Variants in SHQ1 observed in about 807,000 individuals in gnomAD.
The protein encoded by SHQ1 is SHQ1, H/ACA ribonucleoprotein assembly factor, also known as protein SHQ1 homolog.
Under a neutral mutation model 53.8 loss-of-function variants are expected in SHQ1, and 49 were observed. The ratio of observed to expected loss-of-function variants is 0.91; its 90% CI spans 0.72 to 1.16. The LOEUF (loss-of-function observed/expected upper bound fraction) is 1.16. Among genes scored for constraint, SHQ1 ranks in the 50% most tolerant of loss-of-function variants. The pLI is 0.00. For synonymous variants in SHQ1, 243 were observed against 251.0 expected (o/e 0.97, Z 0.30); for missense variants, 738 against 683.1 (o/e 1.08, Z -0.90).
In SHQ1 at chr3:72,750,480, G is replaced by A. The variant is rs763555835; in HGVS notation, c.1538C>T (p.Thr513Ile). ...ACTGGCATCAGACTCCTGGATGGCT[G>A]TGTTTCTGCGTACTCCACCATCAAC... Reference protein sequence around the residue: ...LIVDGGVRRNTAIQESDASQG... With the variant: ...LIVDGGVRRNIAIQESDASQG... The change falls in exon 11 of 11, where the codon ACA becomes ATA. Residue 513 changes from threonine (T) to isoleucine (I), a missense_variant. Transcript: ENST00000325599. 25 of 1,614,202 alleles carry A rather than the reference G, an allele frequency of 1.5e-5. No individual in the cohort carries two copies. The South Asian group carries it at 2.6e-4, about 17-fold the overall frequency.
At chr3:72,778,976 C>A (rs1400099628) in intron 10 of SHQ1, among the ~76,000 whole-genome samples, 2 of 152,198 alleles carry the variant, frequency 1.3e-5, no homozygotes, top group Non-Finnish European at 2.9e-5. Context: ...CCTAGTCAGG[C>A]TACACTCACG....
chr3:72,828,793 A>G (rs544369992), intron 5 of SHQ1, among the ~76,000 whole-genome samples: 33 of 152,334 alleles, frequency 2.2e-4, no homozygotes, highest in African/African-American at 7.2e-4. Flanking sequence ...GCAAAAGTGA[A>G]GCTACAGAGG....
chr3:72,756,338 C>T (rs1234229461), intron 10 of SHQ1, among the ~76,000 whole-genome samples: 4 of 152,228 alleles, frequency 2.6e-5, no homozygotes, highest in East Asian at 3.9e-4. Flanking sequence ...TGCAGTGGAG[C>T]GATCTCAGCT....
At chr3:72,730,988 G>A in the SHQ1 span, among the ~76,000 whole-genome samples, 8 of 142,456 alleles carry the variant, frequency 5.6e-5, no homozygotes, top group Non-Finnish European at 1.2e-4. Context: ...TGATTGACTA[G>A]GCTTGAGACA....
In SHQ1 at chr3:72,765,530, CA is replaced by C. The variant is rs1458021907; in HGVS notation, c.1182-14695del. Among the ~76,000 whole-genome samples the C allele has an allele frequency of 4.8e-5, 4 of 83,512 alleles. No homozygotes were observed. The Admixed American group carries it at 6.2e-4, about 13-fold the overall frequency. 54.8% of individuals were successfully genotyped at this position (83,512 alleles called of 152,430 possible). A position where few individuals can be genotyped will look rare whatever the true frequency, so the allele number is the denominator to read the frequency against. On this transcript the variant is annotated intron_variant, in intron 10 of 10. Coordinates refer to ENST00000325599, the MANE Select transcript of SHQ1 (RefSeq NM_018130.3). ...ACCTCTGCCTCCCAGATTCACATGA[CA>C]TATATATATATATATATATATATAT...
chr3:72,781,643 C>A (rs1706076631), intron 10 of SHQ1, among the ~76,000 whole-genome samples: 1 of 152,098 alleles, frequency 6.6e-6, no homozygotes. Flanking sequence ...CGAACCCCAA[C>A]ACTAATTTCC....
intron 2 of SHQ1, among the ~76,000 whole-genome samples, chr3:72,843,800 A>C (rs1170587709): frequency 6.6e-6 from 1 of 152,172 alleles, no homozygotes; most frequent in African/African-American, 2.4e-5. Flanking sequence ...TCATTGAATA[A>C]AGTACACAAG....
In SHQ1 at chr3:72,824,593, C is replaced by T. The variant is rs763872745; in HGVS notation, c.600-42G>A. On this transcript the variant is annotated intron_variant, in intron 5 of 10. Coordinates refer to ENST00000325599, the MANE Select transcript of SHQ1 (RefSeq NM_018130.3). ...AAAGAACTTACTATACAGGATTTCA[C>T]TGGCTTTTACTTTTTAACATTTTAT... 14 of 1,563,772 alleles carry T rather than the reference C, an allele frequency of 9.0e-6. No individual in the cohort carries two copies. The East Asian group carries it at 1.6e-4, about 18-fold the overall frequency.
chr3:72,757,333 C>T (rs1705516506), intron 10 of SHQ1, among the ~76,000 whole-genome samples: 2 of 151,692 alleles, frequency 1.3e-5, no homozygotes, highest in South Asian at 4.2e-4. Context: ...AACACACAAT[C>T]TCAGGTTCTA....
chr3:72,767,604 T>C (rs950006881), intron 10 of SHQ1, among the ~76,000 whole-genome samples: 3 of 152,234 alleles, frequency 2.0e-5, no homozygotes, highest in African/African-American at 7.2e-5. Context: ...CTGGATACCT[T>C]TTTAAAATCC....
At chr3:72,751,476 ATGTGTG>A (rs372032784) in intron 10 of SHQ1, among the ~76,000 whole-genome samples, 29 of 109,620 alleles carry the variant, frequency 2.6e-4, no homozygotes, top group African/African-American at 5.0e-4. Flanking sequence ...ATAAGCACAT[ATGTGTG>A]TGTGTGTGTG....
the SHQ1 span, among the ~76,000 whole-genome samples, chr3:72,744,058 A>G: frequency 2.6e-5 from 4 of 152,222 alleles, no homozygotes; most frequent in African/African-American, 9.6e-5. Flanking sequence ...CACAAATGCA[A>G]TATTTTGTAT....
At chr3:72,730,255 A>G in the SHQ1 span, among the ~76,000 whole-genome samples, 1 of 152,152 alleles carries the variant, frequency 6.6e-6, no homozygotes, top group Admixed American at 6.5e-5. Flanking sequence ...AGCTGGGACT[A>G]CAGACATGTG....
chr3:72,757,607 A>C (rs1705524711), intron 10 of SHQ1, among the ~76,000 whole-genome samples: 1 of 152,194 alleles, frequency 6.6e-6, no homozygotes, highest in Admixed American at 6.5e-5. Context: ...GGATAAAGAA[A>C]ATGTGGTACA....
At chr3:72,792,853 G>A in intron 10 of SHQ1, 63 bp downstream of exon 10, 1 of 1,399,188 alleles carries the variant, frequency 7.1e-7, no homozygotes, top group Non-Finnish European at 9.9e-7. Context: ...TTCCTCCTGG[G>A]TAAATAGGTA....
the SHQ1 span, among the ~76,000 whole-genome samples, chr3:72,743,856 T>C: frequency 2.8e-4 from 43 of 152,202 alleles, no homozygotes; most frequent in African/African-American, 1.0e-3. Context: ...TACAAATTGT[T>C]CTGGGAGTTC....
intron 10 of SHQ1, among the ~76,000 whole-genome samples, chr3:72,754,537 A>G (rs1007990686): frequency 6.6e-5 from 10 of 151,990 alleles, no homozygotes; most frequent in Non-Finnish European, 1.2e-4. Flanking sequence ...ATGAGCCACC[A>G]TGCCCGACTA....
chr3:72,805,920 CAGAAATT>C, intron 9 of SHQ1, among the ~76,000 whole-genome samples: 1 of 152,204 alleles, frequency 6.6e-6, no homozygotes, highest in African/African-American at 2.4e-5. Flanking sequence ...AAATGTAACC[CAGAAATT>C]ACCATGAGAG....
chr3:72,735,903 C>T, the SHQ1 span, among the ~76,000 whole-genome samples: 1 of 151,842 alleles, frequency 6.6e-6, no homozygotes. Flanking sequence ...CTCTCTCTCT[C>T]TCTCTTCCTC....
Sources: allele counts gnomAD v4.1 joint callset (sites outside exome capture counted in the v4.1 genomes callset), GRCh38; gene constraint gnomAD v4.1.1; transcripts MANE v1.5; gene names NCBI Gene and HGNC (gene_info 2026-07-23, HGNC 2026-07-21).